Variants in DCPS observed in about 807,000 individuals in gnomAD.
The protein encoded by DCPS is m7GpppX diphosphatase.
DCPS carries 27 observed loss-of-function variants against 34.7 expected under a neutral mutation model. The ratio of observed to expected loss-of-function variants is 0.78; its 90% CI spans 0.57 to 1.07. DCPS has a LOEUF of 1.07. Ranked by LOEUF, DCPS falls within the 50% of genes least tolerant of loss-of-function variation. DCPS has a pLI of 0.00. For synonymous variants in DCPS, 185 were observed against 185.7 expected, an observed-to-expected ratio of 1.00 and a Z score of 0.03; for missense variants, 464 against 436.9, an observed-to-expected ratio of 1.06 and a Z score of -0.55.
chr11:126,308,532 A>G (rs1951591825), intron 2 of DCPS, among the ~76,000 whole-genome samples: 1 of 152,246 alleles, frequency 6.6e-6, no homozygotes, highest in South Asian at 2.1e-4. Context: ...GTGCAAGTTG[A>G]TGGAAATGGA....
chr11:126,335,203 G>A lies in DCPS; in HGVS notation c.523-3083G>A, dbSNP rs370866682. On this transcript the variant is annotated intron_variant, in intron 3 of 5. Coordinates refer to ENST00000263579, the MANE Select transcript of DCPS (RefSeq NM_014026.6). This position sits in a 1 kb window ranked among gnomAD's most constrained non-coding sequence, Gnocchi z 4.8. ...CAGCAGGCAGAAGCAGAGAGCAGGAGGTGATGAGGAAGGAGCAAGATGTCT... is the reference window on the plus strand; with the variant it reads ...CAGCAGGCAGAAGCAGAGAGCAGGAAGTGATGAGGAAGGAGCAAGATGTCT... Among the ~76,000 whole-genome samples, 15 of 152,366 alleles carry A rather than the reference G, an allele frequency of 9.8e-5. No individual in the cohort carries two copies. In the East Asian group the frequency reaches 2.5e-3, roughly 25 times the overall value.
chr11:126,342,479 A>G lies in DCPS; in HGVS notation c.637-828A>G, dbSNP rs1013477459. ...CAAGTTGCTTCCTCTCCCCTTCCGT[A>G]TACATTCTATGCCCTATACATTCTT... is the stretch of plus-strand genomic sequence containing the variant. On this transcript the variant is annotated intron_variant, in intron 4 of 5. Coordinates refer to ENST00000263579, the MANE Select transcript of DCPS (RefSeq NM_014026.6). This position sits in a 1 kb window ranked among gnomAD's most constrained non-coding sequence, Gnocchi z 4.4. 3.3e-5 allele frequency among the ~76,000 whole-genome samples: 5 copies of G among 152,098 alleles called. No homozygotes were observed. The highest frequency in any genetic ancestry group is 5.9e-5 in the Non-Finnish European group (4 of 68,000).
rs866014175 is a variant in DCPS at position 126,315,689 on chromosome 11, G to A, written c.376+8945G>A. 3.9e-5 allele frequency among the ~76,000 whole-genome samples: 6 copies of A among 152,202 alleles called. No individual in the cohort carries two copies. The highest frequency in any genetic ancestry group is 2.1e-4 in the South Asian group (1 of 4,830). Reference sequence around the variant, plus strand: ...CTAGTTTTTCCTCCACCTGCCCAGTGTATCATCTCCATGCCACTCAAAGGA... The same window carrying A: ...CTAGTTTTTCCTCCACCTGCCCAGTATATCATCTCCATGCCACTCAAAGGA... On this transcript the variant is annotated intron_variant, in intron 2 of 5. Transcript: ENST00000263579. This position sits in a 1 kb window ranked among gnomAD's most constrained non-coding sequence, Gnocchi z 6.1.
rs1301814497 is a variant in DCPS at position 126,346,824 on chromosome 11, C to T, written c.*1211C>T. Among the ~76,000 whole-genome samples, 1 of 152,184 alleles carries T rather than the reference C, an allele frequency of 6.6e-6. No individual in the cohort carries two copies. The highest frequency in any genetic ancestry group is 2.4e-5 in the African/African-American group (1 of 41,444). ...CTGCAGGTGGTAGCCCAGGTGCAGC[C>T]AACCTGCTTCAGGGTCTCAGGGCCT... On this transcript the variant is annotated 3_prime_UTR_variant, in exon 6 of 6. Coordinates refer to ENST00000263579, the MANE Select transcript of DCPS (RefSeq NM_014026.6). This position sits in a 1 kb window ranked among gnomAD's most constrained non-coding sequence, Gnocchi z 4.1.
intron 5 of DCPS, 54 bp downstream of exon 5, chr11:126,343,471 C>A: frequency 7.1e-7 from 1 of 1,413,812 alleles, no homozygotes; most frequent in Non-Finnish European, 9.8e-7. Flanking sequence ...ACTCAGATTC[C>A]AGTGTGTTCC....
At chr11:126,324,165 A>C (rs763115238) in intron 2 of DCPS, among the ~76,000 whole-genome samples, 9 of 152,182 alleles carry the variant, frequency 5.9e-5, no homozygotes, top group Non-Finnish European at 1.3e-4. Context: ...TTGTATTCAC[A>C]TAACAGATTG....
intron 2 of DCPS, among the ~76,000 whole-genome samples, chr11:126,311,900 A>C (rs1467723644): frequency 3.9e-5 from 6 of 152,220 alleles, no homozygotes; most frequent in African/African-American, 1.2e-4. Flanking sequence ...AATAGACATG[A>C]ATAGAAATGA....
At chr11:126,310,711 T>C (rs1355427600) in intron 2 of DCPS, among the ~76,000 whole-genome samples, 1 of 152,198 alleles carries the variant, frequency 6.6e-6, no homozygotes, top group Non-Finnish European at 1.5e-5. Context: ...ACTCCAGCTG[T>C]CCCCTCTGTG....
In DCPS at chr11:126,325,774, C is replaced by G. The variant is rs1026555426; in HGVS notation, c.377-5631C>G. ...GCTCTTAATATATTGTGAAGATTTT[C>G]CAGGGATAGATTTTTGAGGGTTTAT... On this transcript the variant is annotated intron_variant, in intron 2 of 5. Coordinates refer to ENST00000263579, the MANE Select transcript of DCPS (RefSeq NM_014026.6). This position sits in a 1 kb window ranked among gnomAD's most constrained non-coding sequence, Gnocchi z 4.3. Among the ~76,000 whole-genome samples, 9 of 152,094 alleles carry G rather than the reference C, an allele frequency of 5.9e-5. No individual in the cohort carries two copies. The highest frequency in any genetic ancestry group is 1.3e-4 in the Admixed American group (2 of 15,280).
rs1951827808 is a variant in DCPS at position 126,335,729 on chromosome 11, C to T, written c.523-2557C>T. Among the ~76,000 whole-genome samples the T allele has an allele frequency of 1.3e-5, 2 of 152,162 alleles. No individual in the cohort carries two copies. Among genetic ancestry groups the T allele is most frequent in the South Asian group, 4.1e-4 (2 of 4,822 alleles). ...TCACTTGAGGTCAGGAGTTTGAGAC[C>T]AGCCTGGCCAACATGACGCAACCCA... On this transcript the variant is annotated intron_variant, in intron 3 of 5. Coordinates refer to ENST00000263579, the MANE Select transcript of DCPS (RefSeq NM_014026.6). This position sits in a 1 kb window ranked among gnomAD's most constrained non-coding sequence, Gnocchi z 4.8.
chr11:126,333,460 C>T lies in DCPS; in HGVS notation c.522+1910C>T, dbSNP rs767102898. Among the ~76,000 whole-genome samples the T allele has an allele frequency of 3.3e-5, 5 of 152,308 alleles. No homozygotes were observed. The highest frequency in any genetic ancestry group is 3.4e-3 in the Middle Eastern group (1 of 294). On this transcript the variant is annotated intron_variant, in intron 3 of 5. Transcript: ENST00000263579. This position sits in a 1 kb window ranked among gnomAD's most constrained non-coding sequence, Gnocchi z 5.7. ...TGGGATAAGCACTCTGATGCCTAGA[C>T]GAACTACCGTGGTGATGCAGAGGGA...
chr11:126,336,139 G>A lies in DCPS; in HGVS notation c.523-2147G>A, dbSNP rs1398284320. On this transcript the variant is annotated intron_variant, in intron 3 of 5. Transcript: ENST00000263579. The surrounding 1 kb of genome is among the most constrained non-coding windows in gnomAD (Gnocchi z 6.3). ...TCAAAAAAAAAAAAAAAAAAATGGC[G>A]ACAATGATAGCAGCCACCTCTCAGG... 6.8e-6 allele frequency among the ~76,000 whole-genome samples: 1 copy of A among 148,008 alleles called. No homozygotes were observed. The highest frequency in any genetic ancestry group is 1.5e-5 in the Non-Finnish European group (1 of 67,324).
At position 126,345,603 on chromosome 11, in the gene DCPS, A is replaced by C. The variant is rs563515963; in HGVS notation, c.1004A>C (p.Gln335Pro). The stretch of plus-strand genomic sequence containing the variant: ...CTGCTCAAGCTCTTGCAGGAGGCTC[A>C]GCAAAGCTGAATTAACTCAGGCAGA... ...DPLLKLLQEA[Q>P]QS Residue 335 changes from glutamine (Q) to proline (P), a missense_variant, in exon 6 of 6, where the codon CAG (glutamine) becomes CCG (proline). Gln to Pro is a moderately conservative substitution (Grantham distance 76, BLOSUM62 -1). Transcript: ENST00000263579. This position sits in a 1 kb window ranked among gnomAD's most constrained non-coding sequence, Gnocchi z 7.4. 1 of 1,612,802 alleles carries C rather than the reference A, an allele frequency of 6.2e-7. No individual in the cohort carries two copies. Among genetic ancestry groups the C allele is most frequent in the Admixed American group, 1.7e-5 (1 of 60,026 alleles).
In DCPS at chr11:126,304,143, C is replaced by G. The variant is rs3740915; in HGVS notation, c.63C>G (p.His21Gln). The change falls in exon 1 of 6, where the codon CAC (histidine) becomes CAG (glutamine). Residue 21 changes from histidine to glutamine, a missense_variant. By Grantham distance (24) the His-to-Gln change is conservative (BLOSUM62 0). Transcript: ENST00000263579. ...RKRELDVEEA[H>Q]AASTEEKEAG... ...GCGAATTGGACGTGGAGGAGGCCCA[C>G]GCCGCCAGCACAGAGGAAAAGGAGG... 3 of 1,614,050 alleles carry G rather than the reference C, an allele frequency of 1.9e-6. No homozygotes were observed. Among genetic ancestry groups the G allele is most frequent in the Admixed American group, 3.3e-5 (2 of 59,952 alleles).
chr11:126,322,759 A>T lies in DCPS; in HGVS notation c.377-8646A>T, dbSNP rs1029619082. Among the ~76,000 whole-genome samples, 2 of 151,488 alleles carry T rather than the reference A, an allele frequency of 1.3e-5. No homozygotes were observed. The highest frequency in any genetic ancestry group is 4.9e-5 in the African/African-American group (2 of 41,172). ...AGGCGCGTGCCATCACGCCCAGCTA[A>T]TTTTTTTTATTTTTAGTAGAGACGG... On this transcript the variant is annotated intron_variant, in intron 2 of 5. Transcript: ENST00000263579. This position sits in a 1 kb window ranked among gnomAD's most constrained non-coding sequence, Gnocchi z 4.2.
rs943127599 is a variant in DCPS, at chr11:126,331,574, G to T, written c.522+24G>T. 13 of 1,611,690 alleles carry T rather than the reference G, an allele frequency of 8.1e-6. No homozygotes were observed. The highest frequency in any genetic ancestry group is 1.7e-5 in the Admixed American group (1 of 59,894). ...AGGTGACTGGCTGCATGTCTCAGACGCAGAGCACTGCTCCCGTGGCTGGTG... is the reference window on the plus strand; with the variant it reads ...AGGTGACTGGCTGCATGTCTCAGACTCAGAGCACTGCTCCCGTGGCTGGTG... On this transcript the variant is annotated intron_variant, in intron 3 of 5. Coordinates refer to ENST00000263579, the MANE Select transcript of DCPS (RefSeq NM_014026.6). This position sits in a 1 kb window ranked among gnomAD's most constrained non-coding sequence, Gnocchi z 7.2.
intron 2 of DCPS, among the ~76,000 whole-genome samples, chr11:126,309,471 T>G (rs566695144): frequency 1.3e-5 from 2 of 152,354 alleles, no homozygotes; most frequent in Non-Finnish European, 2.9e-5. Flanking sequence ...CCTGCTACAA[T>G]GTAAATGCTA....
rs1404037894 is a variant in DCPS at position 126,312,583 on chromosome 11, C to T, written c.376+5839C>T. Reference sequence around the variant, plus strand: ...CTCAAACTCCTGATCTCGGGTGATCCGCCCGCTTTGGCTGCTCAGAGTGCT... The same window carrying T: ...CTCAAACTCCTGATCTCGGGTGATCTGCCCGCTTTGGCTGCTCAGAGTGCT... On this transcript the variant is annotated intron_variant, in intron 2 of 5. Coordinates refer to ENST00000263579, the MANE Select transcript of DCPS (RefSeq NM_014026.6). The surrounding 1 kb of genome is among the most constrained non-coding windows in gnomAD (Gnocchi z 5.1). Among the ~76,000 whole-genome samples the T allele has an allele frequency of 5.3e-5, 8 of 152,212 alleles. No homozygotes were observed. Among genetic ancestry groups the T allele is most frequent in the South Asian group, 2.1e-4 (1 of 4,824 alleles).
intron 2 of DCPS, among the ~76,000 whole-genome samples, chr11:126,310,687 T>C (rs1951612977): frequency 6.6e-6 from 1 of 152,254 alleles, no homozygotes; most frequent in Non-Finnish European, 1.5e-5. Context: ...ATTGCCAAAA[T>C]AGTCCTGTGG....
Sources: gnomAD v4.1 joint callset for allele counts (sites outside exome capture counted in the v4.1 genomes callset) on GRCh38, gnomAD v4.1.1 for gene constraint, Gnocchi (gnomAD v3.1) non-coding constraint, MANE v1.5 for transcripts, NCBI Gene and HGNC (gene_info 2026-07-23, HGNC 2026-07-21) for gene names.